Variants in HELZ2 observed in about 807,000 individuals in gnomAD.
The protein encoded by HELZ2 is 3'-5' exoribonuclease HELZ2.
Under a neutral mutation model 208.8 loss-of-function variants are expected in HELZ2, and 143 were observed. The ratio of observed to expected loss-of-function variants is 0.68; its 90% confidence interval spans 0.60 to 0.79. The LOEUF (loss-of-function observed/expected upper bound fraction) is 0.79, where lower values mean the gene tolerates loss of function less well. HELZ2 is among the 30% of genes least tolerant of loss of function. The pLI, the probability that HELZ2 is intolerant of heterozygous loss-of-function variation, is 0.00. For synonymous variants in HELZ2, 1,705 were observed against 1,693.7 expected, an observed-to-expected ratio of 1.01 and a Z score of -0.16; for missense variants, 3,690 against 3,794.5, an observed-to-expected ratio of 0.97 and a Z score of 0.72.
In HELZ2 at chr20:63,569,247, C is replaced by A. The variant is rs1008459527; in HGVS notation, c.989G>T (p.Ser330Ile). Residue 330 changes from serine to isoleucine, a missense_variant, in exon 4 of 19, where the codon AGC (serine) becomes ATC (isoleucine). Transcript: ENST00000467148. The stretch of plus-strand genomic sequence containing the variant: ...TGAGATGGGGCCCGAGGCCACGCTG[C>A]TGCGGTTGAACTCCAGGGCCAGGGC... 1.1e-5 allele frequency: 18 copies of A among 1,571,084 alleles called. No individual in the cohort carries two copies. The East Asian group carries it at 4.1e-4, about 35-fold the overall frequency.
exon 8 of HELZ2, chr20:63,564,464 T>C (rs1404426581): frequency 9.5e-6 from 15 of 1,576,972 alleles, no homozygotes; most frequent in Non-Finnish European, 1.3e-5. Flanking sequence ...CAGCTGGCGG[T>C]CAGACTGGAC....
At chr20:63,572,532 C>T (rs367772652), upstream of HELZ2, 2,859 of 874,360 alleles carry the variant, frequency 3.3e-3, 6 homozygotes, top group Non-Finnish European at 4.3e-3. Flanking sequence ...CGGCCCTCGG[C>T]GCTCACGTGG....
At chr20:63,565,669 G>A (rs1050672936) in exon 8 of HELZ2, 1 of 1,609,694 alleles carries the variant, frequency 6.2e-7, no homozygotes, top group African/African-American at 1.3e-5. Flanking sequence ...CAGCCTCCGT[G>A]GACTCCACGC....
chr20:63,567,790 G>T lies in HELZ2; in HGVS notation c.1731-163C>A, dbSNP rs1260037131. 6 of 1,436,110 alleles carry T rather than the reference G, an allele frequency of 4.2e-6. No homozygotes were observed. The East Asian group carries it at 1.5e-4, about 36-fold the overall frequency. The allele number at this position is 1,436,110 out of a possible 1,614,324, so 89.0% of individuals were successfully genotyped here. Reference sequence around the variant, plus strand: ...GTGTCCCTCCTGTCAGGAGTCCAAGGGGCAAGAGGCCACGGAGGGCTTCAG... The same window carrying T: ...GTGTCCCTCCTGTCAGGAGTCCAAGTGGCAAGAGGCCACGGAGGGCTTCAG... On this transcript the variant is annotated intron_variant, in intron 5 of 18. Coordinates refer to ENST00000467148, the Ensembl canonical transcript of HELZ2.
exon 2 of HELZ2, chr20:63,570,720 C>T (rs772373633): frequency 3.2e-6 from 5 of 1,576,880 alleles, no homozygotes; most frequent in Middle Eastern, 1.7e-4. Context: ...TGGTACTCGG[C>T]CAGCAGCCGC....
exon 5 of HELZ2, chr20:63,568,924 C>T (rs779596287): frequency 1.5e-5 from 24 of 1,609,156 alleles, no homozygotes; most frequent in Middle Eastern, 3.3e-4. Context: ...ACAGTGCTCC[C>T]GGAGGCGCGA....
At chr20:63,570,800 A>C in exon 2 of HELZ2, 1 of 1,611,026 alleles carries the variant, frequency 6.2e-7, no homozygotes, top group Non-Finnish European at 8.5e-7. Flanking sequence ...CGTGCGCCGG[A>C]CCCACTCCTG....
intron 3 of HELZ2, among the ~76,000 whole-genome samples, chr20:63,569,971 C>T (rs112295772): frequency 1.1e-4 from 16 of 152,270 alleles, no homozygotes; most frequent in African/African-American, 2.4e-4. Flanking sequence ...GTTTTTGAGA[C>T]GGAGTTTCAC....
chr20:63,565,686 C>T (rs1448364659), exon 8 of HELZ2: 1 of 1,608,578 alleles, frequency 6.2e-7, no homozygotes, highest in African/African-American at 1.3e-5. Flanking sequence ...ACGCCCGCTG[C>T]AGCAGCCGCT....
exon 5 of HELZ2, chr20:63,568,500 C>T: frequency 6.3e-7 from 1 of 1,585,678 alleles, no homozygotes; most frequent in Non-Finnish European, 8.6e-7. Context: ...TCCCCAGGGC[C>T]CCAGCCCGCG....
At chr20:63,566,066 C>T in exon 8 of HELZ2, 2 of 1,588,082 alleles carry the variant, frequency 1.3e-6, no homozygotes, top group Non-Finnish European at 1.7e-6. Flanking sequence ...CCCGAAGGAG[C>T]AGAGGGCCAC....
At chr20:63,570,699 T>C (rs752908669) in exon 2 of HELZ2, 2 of 1,312,414 alleles carry the variant, frequency 1.5e-6, no homozygotes, top group Non-Finnish European at 2.0e-6. Flanking sequence ...AGGACCTCAC[T>C]GCTGCTGCGC....
At chr20:63,562,075 G>A (rs1457462224) in exon 10 of HELZ2, 4 of 1,608,624 alleles carry the variant, frequency 2.5e-6, no homozygotes, top group South Asian at 2.2e-5. Flanking sequence ...GCCCTACCTG[G>A]TGGGCCCTGA....
At chr20:63,568,251 G>T in intron 5 of HELZ2, 107 bp downstream of exon 6, 2 of 858,276 alleles carry the variant, frequency 2.3e-6, no homozygotes, top group Non-Finnish European at 1.9e-6. Context: ...CGGCTACAGG[G>T]AGTGCAGAAT....
At chr20:63,566,400 G>A (rs946955526) in exon 7 of HELZ2, 94 of 1,548,342 alleles carry the variant, frequency 6.1e-5, no homozygotes, top group Middle Eastern at 2.3e-4. Context: ...CAAAACTGCC[G>A]ACAGACACCT....
chr20:63,572,276 C>T (rs762308478), exon 1 of HELZ2: 2 of 1,586,762 alleles, frequency 1.3e-6, no homozygotes, highest in African/African-American at 2.7e-5. Context: ...CAGCTGGGCC[C>T]CAGGGGGCTG....
chr20:63,572,146 G>T (rs774992399), exon 1 of HELZ2: 19 of 1,611,516 alleles, frequency 1.2e-5, no homozygotes, highest in Non-Finnish European at 1.4e-5. Context: ...CCGGGGGTGG[G>T]GAACGGTGCT....
At chr20:63,568,255 G>T (rs1204075972) in intron 5 of HELZ2, 103 bp downstream of exon 6, 4 of 888,326 alleles carry the variant, frequency 4.5e-6, no homozygotes, top group Non-Finnish European at 7.2e-6. Flanking sequence ...TACAGGGAGT[G>T]CAGAATCAGA....
In HELZ2 at chr20:63,570,498, G is replaced by A. The variant is rs75696899; in HGVS notation, c.570+6C>T. On this transcript the variant is annotated splice_donor_region_variant and intron_variant, in intron 3 of 18. Transcript: ENST00000467148. The stretch of plus-strand genomic sequence containing the variant: ...CTCCGCCCAGTCGGAGCTGTTCTCC[G>A]CTCACCTCAGAGTGGACGGCAAACG... The A allele has an allele frequency of 5.7e-4, 925 of 1,610,526 alleles. 5 individuals carry two copies. The African/African-American group carries it at 0.011, about 18-fold the overall frequency.
Sources: allele counts gnomAD v4.1 joint callset (sites outside exome capture counted in the v4.1 genomes callset), GRCh38; gene constraint gnomAD v4.1.1; transcripts MANE v1.5; gene names NCBI Gene and HGNC (gene_info 2026-07-23, HGNC 2026-07-21).